Variants in TCF7L2 observed in about 807,000 individuals in gnomAD.
TCF7L2 encodes the protein transcription factor 7-like 2.
TCF7L2 carries 23 observed loss-of-function variants against 77.9 expected under a neutral mutation model. The ratio of observed to expected loss-of-function variants is 0.30; its 90% CI spans 0.21 to 0.42. TCF7L2 has a LOEUF of 0.42. Ranked by LOEUF, TCF7L2 falls within the 10% of genes least tolerant of loss-of-function variation. TCF7L2 has a pLI of 1.00. For missense variants in TCF7L2, 654 were observed against 793.1 expected, an observed-to-expected ratio of 0.82 and a Z score of 2.11; for synonymous variants, 413 against 340.2, an observed-to-expected ratio of 1.21 and a Z score of -2.36.
chr10:113,110,721 C>G (rs776446842), intron 5 of TCF7L2, among the ~76,000 whole-genome samples: 7 of 152,112 alleles, frequency 4.6e-5, no homozygotes, highest in Non-Finnish European at 1.0e-4. Context: ...GTTTATAAAG[C>G]CCTAAAATTA....
intron 4 of TCF7L2, among the ~76,000 whole-genome samples, chr10:112,990,478 G>A (rs1271784057): frequency 6.6e-6 from 1 of 152,126 alleles, no homozygotes; most frequent in Non-Finnish European, 1.5e-5. Context: ...AGGCTGAGGT[G>A]GGTGGATCGC....
In TCF7L2 at chr10:113,165,765, G is replaced by A. The variant is rs1173115336; in HGVS notation, c.1602G>A (p.Pro534=). The A allele has an allele frequency of 9.3e-6, 15 of 1,606,104 alleles. No individual in the cohort carries two copies. The highest frequency in any genetic ancestry group is 1.2e-5 in the Non-Finnish European group (14 of 1,176,792). Residue 534 remains proline, a synonymous_variant, in exon 14 of 14, where the codon CCG becomes CCA. Coordinates refer to ENST00000627217, the MANE Select transcript of TCF7L2 (RefSeq NM_001146274.2). ...TGGCCCACCTGTCCATGATGCCTCCGCCACCCGCCCTCCTGCTCGCTGAGG... is the reference window on the plus strand; with the variant it reads ...TGGCCCACCTGTCCATGATGCCTCCACCACCCGCCCTCCTGCTCGCTGAGG...
chr10:112,957,036 A>T (rs752074373), intron 3 of TCF7L2, among the ~76,000 whole-genome samples: 2 of 152,136 alleles, frequency 1.3e-5, no homozygotes, highest in African/African-American at 4.8e-5. Context: ...ATACACATTT[A>T]TAAAGAGCAC....
chr10:113,007,665 C>G (rs547888919), intron 4 of TCF7L2, among the ~76,000 whole-genome samples: 1 of 152,190 alleles, frequency 6.6e-6, no homozygotes, highest in Non-Finnish European at 1.5e-5. Context: ...CTTTTACATT[C>G]GGAATGAATT....
At chr10:113,012,450 C>A (rs996574730) in intron 4 of TCF7L2, among the ~76,000 whole-genome samples, 2 of 152,016 alleles carry the variant, frequency 1.3e-5, no homozygotes, top group Admixed American at 6.6e-5. Flanking sequence ...CAGAGGACAG[C>A]AGTGTGCTGC....
chr10:113,108,078 G>A (rs891439683), intron 5 of TCF7L2, among the ~76,000 whole-genome samples: 2 of 152,052 alleles, frequency 1.3e-5, no homozygotes, highest in Admixed American at 6.6e-5. Flanking sequence ...AGCCCCCTTT[G>A]CCCCCATACT....
chr10:113,129,770 C>A, intron 5 of TCF7L2: 1 of 1,263,380 alleles, frequency 7.9e-7, no homozygotes, highest in Non-Finnish European at 1.0e-6. Context: ...GTGAGAAAAG[C>A]AGAAAGGGAG....
chr10:112,985,754 C>T (rs567837241), intron 4 of TCF7L2, among the ~76,000 whole-genome samples: 11 of 152,110 alleles, frequency 7.2e-5, no homozygotes, highest in African/African-American at 2.4e-4. Context: ...AATGCCCCCC[C>T]CTTCACTTGG....
At chr10:113,146,442 A>G (rs987577930) in intron 8 of TCF7L2, among the ~76,000 whole-genome samples, 6 of 152,168 alleles carry the variant, frequency 3.9e-5, no homozygotes, top group African/African-American at 1.4e-4. Context: ...TTTTATTATT[A>G]TACCAAGAAG....
chr10:113,161,970 C>T (rs1240402857), intron 13 of TCF7L2, among the ~76,000 whole-genome samples: 3 of 152,200 alleles, frequency 2.0e-5, no homozygotes, highest in South Asian at 2.1e-4. Context: ...GTGTTCACAG[C>T]GCTGACAGAT....
rs115233687 is a variant in TCF7L2 at position 113,032,012 on chromosome 10, G to C, written c.451-8013G>C. ...AGACTTAGGCAAAGCGTGGAGAAGA[G>C]GTTGTCCAATGAAGAAATGAAGTGA... On this transcript the variant is annotated intron_variant, in intron 4 of 13. Transcript: ENST00000627217. 9.8e-3 allele frequency among the ~76,000 whole-genome samples: 1,495 copies of C among 152,324 alleles called. 18 individuals are homozygous for C. The highest frequency in any genetic ancestry group is 0.034 in the African/African-American group (1,413 of 41,562).
intron 5 of TCF7L2, among the ~76,000 whole-genome samples, chr10:113,097,667 A>AAAAAACAAAAAAAAAAAC (rs2061181030): frequency 2.1e-5 from 3 of 142,290 alleles, no homozygotes; most frequent in African/African-American, 7.6e-5. Flanking sequence ...AAAAAAAAAA[A>AAAAAACAAAAAAAAAAAC]AAAAAAACAA....
chr10:113,008,929 A>T (rs1439624658), intron 4 of TCF7L2, among the ~76,000 whole-genome samples: 1 of 151,884 alleles, frequency 6.6e-6, no homozygotes, highest in East Asian at 1.9e-4. Context: ...TATAAATCTC[A>T]TCTTTTTTGT....
intron 5 of TCF7L2, among the ~76,000 whole-genome samples, chr10:113,086,484 C>T (rs945233282): frequency 3.3e-5 from 5 of 152,194 alleles, no homozygotes; most frequent in Admixed American, 1.3e-4. Context: ...AGTCTGTGAC[C>T]TTGATTCTGA....
intron 5 of TCF7L2, chr10:113,125,541 G>A (rs1454812199): frequency 6.6e-6 from 1 of 152,104 alleles, no homozygotes; most frequent in Non-Finnish European, 1.5e-5. Context: ...CTGTCAGTCA[G>A]AAATAATTGT....
chr10:113,053,513 G>A (rs1369673388), intron 5 of TCF7L2, among the ~76,000 whole-genome samples: 1 of 152,164 alleles, frequency 6.6e-6, no homozygotes, highest in Admixed American at 6.5e-5. Flanking sequence ...TGGAGCCTCA[G>A]TTACTACAAA....
intron 5 of TCF7L2, among the ~76,000 whole-genome samples, chr10:113,109,645 C>T (rs1337894345): frequency 6.6e-6 from 1 of 152,198 alleles, no homozygotes; most frequent in African/African-American, 2.4e-5. Context: ...CCTGCCCCAG[C>T]CTCCCAAACT....
In TCF7L2 at chr10:112,983,194, G is replaced by A. The variant is rs375276248; in HGVS notation, c.450+18570G>A. Among the ~76,000 whole-genome samples the A allele has an allele frequency of 2.0e-5, 3 of 151,166 alleles. No homozygotes were observed. The South Asian group carries it at 6.3e-4, about 32-fold the overall frequency. On this transcript the variant is annotated intron_variant, in intron 4 of 13. Transcript: ENST00000627217. ...TTCATTAAAAAAATAAATTTAGGCC[G>A]GGCACGGTGGCTCATGCCTGTAATC...
chr10:113,026,813 C>A (rs1170704463), intron 4 of TCF7L2, among the ~76,000 whole-genome samples: 1 of 152,168 alleles, frequency 6.6e-6, no homozygotes, highest in South Asian at 2.1e-4. Flanking sequence ...TACAAATAAA[C>A]CAAAGCCTGG....
Sources: allele counts gnomAD v4.1 joint callset (sites outside exome capture counted in the v4.1 genomes callset), GRCh38; gene constraint gnomAD v4.1.1; transcripts MANE v1.5; gene names NCBI Gene and HGNC (gene_info 2026-07-23, HGNC 2026-07-21).